Variants in TMPRSS15 observed in about 807,000 individuals in gnomAD.
The protein encoded by TMPRSS15 is enteropeptidase.
A neutral mutation model predicts 125.3 loss-of-function variants in TMPRSS15; 128 were observed. That is an observed-to-expected ratio of 1.02 (90% confidence interval 0.89 to 1.18). The LOEUF (loss-of-function observed/expected upper bound fraction) is 1.18. TMPRSS15 is among the 50% of genes most tolerant of loss of function. The pLI, the probability that TMPRSS15 is intolerant of heterozygous loss-of-function variation, is 0.00. For missense variants in TMPRSS15, 1,283 were observed against 1,212.7 expected, an observed-to-expected ratio of 1.06 and a Z score of -0.86; for synonymous variants, 446 against 423.2, an observed-to-expected ratio of 1.05 and a Z score of -0.66.
intron 7 of TMPRSS15, among the ~76,000 whole-genome samples, chr21:18,364,808 G>T (rs911512385): frequency 6.6e-6 from 1 of 152,146 alleles, no homozygotes; most frequent in Non-Finnish European, 1.5e-5. Context: ...AAATGCAGAA[G>T]ATGCGAAATT....
At chr21:18,403,434 A>G in intron 1 of TMPRSS15, 44 bp downstream of exon 1, 1 of 1,613,674 alleles carries the variant, frequency 6.2e-7, no homozygotes, top group Non-Finnish European at 8.5e-7. Flanking sequence ...AAGTGTGTAC[A>G]TTCAGCTGAG....
rs1376373315 is a variant in TMPRSS15, at chr21:18,332,094, A to G, written c.1644T>C (p.Asn548=). Reference sequence around the variant, plus strand: ...AAAGAAATGACTCACAGAAAGCCAGATTAGGGTAGCTGTTTGGAAAGTTCG... The same window carrying G: ...AAAGAAATGACTCACAGAAAGCCAGGTTAGGGTAGCTGTTTGGAAAGTTCG... ...SSTNFPNSYP[N]LAFCVWILNA... is the part of the protein sequence containing the mutation. Residue 548 remains asparagine (N), a synonymous_variant, in exon 14 of 25, where the codon AAT becomes AAC. Coordinates refer to ENST00000284885, the MANE Select transcript of TMPRSS15 (RefSeq NM_002772.3). 5 of 1,613,878 alleles carry G rather than the reference A, an allele frequency of 3.1e-6. No homozygotes were observed. The highest frequency in any genetic ancestry group is 4.2e-6 in the Non-Finnish European group (5 of 1,179,886).
chr21:18,383,643 G>C lies in TMPRSS15; in HGVS notation c.480C>G (p.Asn160Lys), dbSNP rs1163480850. ...SQLVTFHIDL[N>K]SVDILDKLTT... ...CACACATACCTAGGATATCAACGCT[G>C]TTCAAATCAATATGGAAAGTGACCA... Residue 160 changes from asparagine (N) to lysine (K), a missense_variant, in exon 4 of 25, where the codon AAC becomes AAG. Transcript: ENST00000284885. The C allele has an allele frequency of 6.2e-7, 1 of 1,613,778 alleles. No homozygotes were observed. The highest frequency in any genetic ancestry group is 2.2e-5 in the East Asian group (1 of 44,850).
intron 21 of TMPRSS15, among the ~76,000 whole-genome samples, chr21:18,282,481 C>T (rs1023126): frequency 6.6e-6 from 1 of 152,090 alleles, no homozygotes; most frequent in African/African-American, 2.4e-5. Flanking sequence ...CAAGTCACTT[C>T]CAGATGTATA....
At chr21:18,340,300 C>A (rs1951324774) in intron 13 of TMPRSS15, among the ~76,000 whole-genome samples, 1 of 152,166 alleles carries the variant, frequency 6.6e-6, no homozygotes, top group Admixed American at 6.5e-5. Context: ...ATGCTGGATG[C>A]TTCCTGCCCT....
At chr21:18,345,704 G>T (rs2075499367) in intron 10 of TMPRSS15, among the ~76,000 whole-genome samples, 1 of 104,604 alleles carries the variant, frequency 9.6e-6, no homozygotes, top group African/African-American at 3.6e-5. Context: ...TCGTGCCACT[G>T]CACTCCAGCC....
At chr21:18,336,278 C>A (rs1381569019) in intron 13 of TMPRSS15, among the ~76,000 whole-genome samples, 1 of 152,056 alleles carries the variant, frequency 6.6e-6, no homozygotes, top group Non-Finnish European at 1.5e-5. Context: ...TTGATTGATA[C>A]TTTATGTGAT....
chr21:18,363,861 C>T (rs2075700789), intron 7 of TMPRSS15, among the ~76,000 whole-genome samples: 1 of 151,992 alleles, frequency 6.6e-6, no homozygotes, highest in Admixed American at 6.6e-5. Context: ...AATTCATAGT[C>T]TTATTTTTGA....
intron 1 of TMPRSS15, among the ~76,000 whole-genome samples, chr21:18,449,628 T>C (rs2076263083): frequency 6.6e-6 from 1 of 152,114 alleles, no homozygotes; most frequent in South Asian, 2.1e-4. Flanking sequence ...CTAAATCATG[T>C]ACAGTGTTTA....
At chr21:18,423,186 G>T (rs1293638160) in intron 1 of TMPRSS15, among the ~76,000 whole-genome samples, 1 of 152,072 alleles carries the variant, frequency 6.6e-6, no homozygotes, top group South Asian at 2.1e-4. Context: ...TTTTGCTTTG[G>T]ATTTCTCTTT....
chr21:18,389,782 A>G (rs747632199), intron 3 of TMPRSS15, among the ~76,000 whole-genome samples: 1 of 152,114 alleles, frequency 6.6e-6, no homozygotes, highest in Non-Finnish European at 1.5e-5. Context: ...CTTTTTGGTC[A>G]CTAAAACTAA....
intron 15 of TMPRSS15, 31 bp downstream of exon 15, chr21:18,329,138 A>C: frequency 6.2e-7 from 1 of 1,610,730 alleles, no homozygotes; most frequent in Non-Finnish European, 8.5e-7. Context: ...TGAGCTTTAC[A>C]ACCTTTACAA....
At chr21:18,315,293 A>T in intron 16 of TMPRSS15, 37 bp from the exon 17 acceptor site, 1 of 1,526,992 alleles carries the variant, frequency 6.5e-7, no homozygotes, top group Non-Finnish European at 9.0e-7. Flanking sequence ...AGGATAAAGA[A>T]AACACAAATG....
chr21:18,311,762 G>A (rs1232462658), intron 18 of TMPRSS15, among the ~76,000 whole-genome samples: 1 of 152,094 alleles, frequency 6.6e-6, no homozygotes, highest in Non-Finnish European at 1.5e-5. Context: ...AAGGAACTCA[G>A]TATATCAAAG....
chr21:18,342,254 T>G (rs141291664), intron 12 of TMPRSS15, among the ~76,000 whole-genome samples: 1 of 152,386 alleles, frequency 6.6e-6, no homozygotes, highest in East Asian at 1.9e-4. Flanking sequence ...GAATGTCTGC[T>G]ATATGCTATT....
chr21:18,326,523 G>A lies in TMPRSS15; in HGVS notation c.1830C>T (p.Asn610=), dbSNP rs1243587889. ...GPVKDVFSTT[N]RMTVLLITND... is the part of the protein sequence containing the mutation. ...TAGTGATGAGAAGCACAGTCATTCT[G>A]TTGGTGGTAGAGAACACATCCTTTA... Residue 610 remains asparagine, a synonymous_variant, in exon 16 of 25, where the codon AAC becomes AAT. Transcript: ENST00000284885. 1 of 1,614,034 alleles carries A rather than the reference G, an allele frequency of 6.2e-7. No individual in the cohort carries two copies. Among genetic ancestry groups the A allele is most frequent in the Non-Finnish European group, 8.5e-7 (1 of 1,179,998 alleles).
intron 13 of TMPRSS15, among the ~76,000 whole-genome samples, chr21:18,333,821 G>T (rs2075366848): frequency 6.6e-6 from 1 of 150,984 alleles, no homozygotes; most frequent in South Asian, 2.1e-4. Flanking sequence ...ATACTTTGTT[G>T]TTTCATTTAT....
upstream of TMPRSS15, among the ~76,000 whole-genome samples, chr21:18,406,569 G>A (rs1165994030): frequency 6.6e-6 from 1 of 152,120 alleles, no homozygotes; most frequent in Non-Finnish European, 1.5e-5. Context: ...GCACACAAAT[G>A]TCTATAGGTG....
At chr21:18,449,182 G>C (rs948108115) in intron 1 of TMPRSS15, among the ~76,000 whole-genome samples, 1 of 152,062 alleles carries the variant, frequency 6.6e-6, no homozygotes, top group African/African-American at 2.4e-5. Context: ...CTTATTCCAG[G>C]AGCTTTTGAA....
Sources: gnomAD v4.1 joint callset for allele counts (sites outside exome capture counted in the v4.1 genomes callset) on GRCh38, gnomAD v4.1.1 for gene constraint, MANE v1.5 for transcripts, NCBI Gene and HGNC (gene_info 2026-07-23, HGNC 2026-07-21) for gene names.